Variants in ABCG8 observed in about 807,000 individuals in gnomAD.
The protein encoded by ABCG8 is ATP-binding cassette sub-family G member 8.
A neutral mutation model predicts 71.3 loss-of-function variants in ABCG8; 81 were observed. The ratio of observed to expected loss-of-function variants is 1.14; its 90% CI spans 0.95 to 1.37. The LOEUF (loss-of-function observed/expected upper bound fraction) is 1.37. Among genes scored for constraint, ABCG8 ranks in the 40% most tolerant of loss-of-function variants. The pLI is 0.00. For synonymous variants in ABCG8, 451 were observed against 354.7 expected (o/e 1.27, Z -3.05); for missense variants, 1,119 against 866.2 (o/e 1.29, Z -3.66).
chr2:43,868,648 C>T (rs945521743), intron 6 of ABCG8, among the ~76,000 whole-genome samples: 3 of 152,082 alleles, frequency 2.0e-5, no homozygotes, highest in Non-Finnish European at 4.4e-5. Flanking sequence ...CTCTCACTAC[C>T]TTTCTGGATA....
chr2:43,874,091 T>A, intron 9 of ABCG8, 105 bp downstream of exon 9: 2 of 1,186,176 alleles, frequency 1.7e-6, no homozygotes, highest in Non-Finnish European at 1.2e-6. Flanking sequence ...GATTGTGATA[T>A]ATAAGACAAT....
chr2:43,872,334 C>A (rs1261533587), intron 8 of ABCG8, 28 bp downstream of exon 8: 1 of 1,600,438 alleles, frequency 6.2e-7, no homozygotes, highest in East Asian at 2.3e-5. Flanking sequence ...TATTACTGAA[C>A]CCGCCCCCCT....
intron 6 of ABCG8, among the ~76,000 whole-genome samples, chr2:43,855,157 G>A (rs1319792016): frequency 6.6e-6 from 1 of 152,136 alleles, no homozygotes; most frequent in African/African-American, 2.4e-5. Flanking sequence ...TCTCTGGATA[G>A]AACTCTCAAT....
In ABCG8 at chr2:43,877,631, CAGA is replaced by C. The variant is rs767706636; in HGVS notation, c.1832_1834del (p.Arg611del). 380 of 1,614,124 alleles carry C rather than the reference CAGA, an allele frequency of 2.4e-4. 1 individual carries two copies. Among genetic ancestry groups the C allele is most frequent in the East Asian group, 3.1e-4 (14 of 44,880 alleles). ...AAGGGCTGATGAAGATTCAGTTCAGCAGAAGAACTTATAAAATGCCTCTCGGGA... is the reference window on the plus strand; with the variant it reads ...AAGGGCTGATGAAGATTCAGTTCAGCAGAACTTATAAAATGCCTCTCGGGA... On this transcript the variant is annotated inframe_deletion, in exon 12 of 13. Transcript: ENST00000272286.
intron 6 of ABCG8, among the ~76,000 whole-genome samples, chr2:43,854,216 G>A (rs774563062): frequency 2.6e-5 from 4 of 152,352 alleles, no homozygotes; most frequent in South Asian, 4.1e-4. Context: ...AGAGCTACAC[G>A]GGGCCTGGGT....
chr2:43,867,513 A>C (rs114818032), intron 6 of ABCG8, among the ~76,000 whole-genome samples: 1 of 151,756 alleles, frequency 6.6e-6, no homozygotes. Context: ...AACTGTCACT[A>C]TCTGGATAGA....
At chr2:43,842,177 T>A (rs570588502) in intron 1 of ABCG8, among the ~76,000 whole-genome samples, 5 of 151,972 alleles carry the variant, frequency 3.3e-5, no homozygotes, top group African/African-American at 1.2e-4. Flanking sequence ...GCCCGGCAAT[T>A]TTTTTTTGTA....
intron 6 of ABCG8, among the ~76,000 whole-genome samples, chr2:43,863,560 C>T (rs1669409556): frequency 6.6e-6 from 1 of 151,552 alleles, no homozygotes; most frequent in Non-Finnish European, 1.5e-5. Flanking sequence ...ATAGAACTCT[C>T]ACTATCTATC....
Position 43,838,978 on chromosome 2 carries a change from G to C in ABCG8, c.-76G>C. The C allele has an allele frequency of 6.8e-7, 1 of 1,464,732 alleles. No individual in the cohort carries two copies. The highest frequency in any genetic ancestry group is 1.2e-5 in the South Asian group (1 of 81,738). 90.7% of individuals were successfully genotyped at this position (1,464,732 alleles called of 1,614,324 possible). ...AGGTGTCCCTGCTCCAGGAAACAGA[G>C]TGAAGACACTGGCCCTGGCAGGCAG... On this transcript the variant is annotated 5_prime_UTR_variant, in exon 1 of 13. Transcript: ENST00000272286. This position sits in a 1 kb window ranked among gnomAD's most constrained non-coding sequence, Gnocchi z 4.2.
chr2:43,841,533 C>T (rs1447755342), intron 1 of ABCG8, among the ~76,000 whole-genome samples: 1 of 152,176 alleles, frequency 6.6e-6, no homozygotes, highest in East Asian at 1.9e-4. Flanking sequence ...CAGAGGTCGT[C>T]CCCAACCCAG....
At chr2:43,843,172 C>T (rs746164604) in intron 1 of ABCG8, among the ~76,000 whole-genome samples, 1 of 152,212 alleles carries the variant, frequency 6.6e-6, no homozygotes, top group Non-Finnish European at 1.5e-5. Context: ...TCACCTGTCT[C>T]ATCTGCCAAA....
At chr2:43,853,991 G>A (rs1408744024) in intron 6 of ABCG8, among the ~76,000 whole-genome samples, 2 of 152,180 alleles carry the variant, frequency 1.3e-5, no homozygotes, top group Admixed American at 1.3e-4. Flanking sequence ...CTGACGGTGT[G>A]TCATCCTCAG....
chr2:43,844,428 C>G (rs1668674972), intron 1 of ABCG8, 79 bp from the exon 2 acceptor site: 3 of 1,182,698 alleles, frequency 2.5e-6, no homozygotes, highest in Admixed American at 1.9e-5. Context: ...GTTGCTCTCA[C>G]CTGTTGGTTT....
rs1168744879 is a variant in ABCG8, at chr2:43,882,064, A to C, written c.*4151A>C. The C allele has an allele frequency of 6.6e-6, 1 of 152,214 alleles. No homozygotes were observed. Among genetic ancestry groups the C allele is most frequent in the Non-Finnish European group, 1.5e-5 (1 of 68,034 alleles). The allele number at this position is 152,214 out of a possible 1,614,324, so 9.4% of individuals were successfully genotyped here. ...GTAAAGGTTTTCAAATTTGCATTTT[A>C]AGCCCTCCAATTTCAAGTTATGCTA... On this transcript the variant is annotated 3_prime_UTR_variant, in exon 13 of 13. Transcript: ENST00000272286.
intron 1 of ABCG8, among the ~76,000 whole-genome samples, chr2:43,844,085 A>G (rs1668662651): frequency 6.6e-6 from 1 of 152,218 alleles, no homozygotes; most frequent in Non-Finnish European, 1.5e-5. Context: ...GTTTGGCCTC[A>G]GGAGATATTA....
chr2:43,855,016 C>A (rs564639796), intron 6 of ABCG8, among the ~76,000 whole-genome samples: 1 of 152,206 alleles, frequency 6.6e-6, no homozygotes, highest in Non-Finnish European at 1.5e-5. Context: ...CTGAAGTTGG[C>A]CGGTCCCTAG....
intron 6 of ABCG8, among the ~76,000 whole-genome samples, chr2:43,855,274 CTG>C (rs753450860): frequency 2.0e-5 from 3 of 152,196 alleles, no homozygotes; most frequent in Non-Finnish European, 4.4e-5. Context: ...TTCTCACTCT[CTG>C]TATATAACTC....
At chr2:43,846,436 A>T in intron 3 of ABCG8, 125 bp downstream of exon 3, 1 of 1,395,932 alleles carries the variant, frequency 7.2e-7, no homozygotes, top group Middle Eastern at 2.1e-4. Context: ...AGAATGGCTG[A>T]GAACACAGGT....
At position 43,877,555 on chromosome 2, in the gene ABCG8, C is replaced by T. The variant is rs1349731993; in HGVS notation, c.1757-6C>T. ...ACCTGTGAGTAACGCGGCTGTCTGT[C>T]TCCAGTGCCCGCGTGGATTTCCAAA... On this transcript the variant is annotated splice_region_variant and splice_polypyrimidine_tract_variant and intron_variant, in intron 11 of 12. Transcript: ENST00000272286. The T allele has an allele frequency of 6.2e-7, 1 of 1,613,738 alleles. No individual in the cohort carries two copies.
Sources: gnomAD v4.1 joint callset for allele counts (sites outside exome capture counted in the v4.1 genomes callset) on GRCh38, gnomAD v4.1.1 for gene constraint, Gnocchi (gnomAD v3.1) non-coding constraint, MANE v1.5 for transcripts, NCBI Gene and HGNC (gene_info 2026-07-23, HGNC 2026-07-21) for gene names.